Variants in GLCCI1 observed in about 807,000 individuals in gnomAD.
GLCCI1 encodes the protein glucocorticoid-induced transcript 1 protein.
A neutral mutation model predicts 52.2 loss-of-function variants in GLCCI1; 24 were observed. The observed-to-expected ratio is 0.46, with a 90% CI of 0.33 to 0.65. The LOEUF is 0.65. Ranked by LOEUF, GLCCI1 falls within the 30% of genes least tolerant of loss-of-function variation. The pLI is 0.02. For synonymous variants in GLCCI1, 310 were observed against 276.5 expected, an observed-to-expected ratio of 1.12 and a Z score of -1.20; for missense variants, 704 against 701.5, an observed-to-expected ratio of 1.00 and a Z score of -0.04.
At chr7:8,068,988 C>T (rs915476988) in intron 5 of GLCCI1, among the ~76,000 whole-genome samples, 2 of 152,194 alleles carry the variant, frequency 1.3e-5, no homozygotes, top group Admixed American at 1.3e-4. Context: ...TGCTCAGCCA[C>T]GTGGCTCTTC....
chr7:8,079,969 A>T (rs1782962053), intron 6 of GLCCI1, among the ~76,000 whole-genome samples: 1 of 151,568 alleles, frequency 6.6e-6, no homozygotes, highest in African/African-American at 2.4e-5. Flanking sequence ...TAGTATTCTC[A>T]CAAGGTGTTA....
At chr7:7,973,154 T>C (rs746309767) in intron 1 of GLCCI1, among the ~76,000 whole-genome samples, 3 of 152,214 alleles carry the variant, frequency 2.0e-5, no homozygotes, top group Non-Finnish European at 4.4e-5. Flanking sequence ...TAAAGTATTA[T>C]GCAAATAGTT....
In GLCCI1 at chr7:8,086,502, G is replaced by C. The variant is rs755458650; in HGVS notation, c.1608G>C (p.Glu536Asp). Residue 536 changes from glutamate to aspartate, a missense_variant, in exon 8 of 8, where the codon GAG (glutamate) becomes GAC (aspartate). Glu to Asp is a conservative substitution (Grantham distance 45). Coordinates refer to ENST00000223145, the MANE Select transcript of GLCCI1 (RefSeq NM_138426.4). The surrounding 1 kb of genome is among the most constrained non-coding windows in gnomAD (Gnocchi z 4.4). Reference sequence around the variant, plus strand: ...AGCTCCTGCAGGAACTGCAGGGTGAGGACCACATCTCTGCTCAGAACTATG... The same window carrying C: ...AGCTCCTGCAGGAACTGCAGGGTGACGACCACATCTCTGCTCAGAACTATG... ...QQQLLQELQG[E>D]DHISAQNYVI... 5.0e-6 allele frequency: 8 copies of C among 1,613,344 alleles called. No individual in the cohort carries two copies. In the East Asian group the frequency reaches 1.8e-4, roughly 36 times the overall value.
At chr7:8,084,775 A>G (rs1562455146) in intron 6 of GLCCI1, 122 bp from the exon 7 acceptor site, 16 of 916,174 alleles carry the variant, frequency 1.7e-5, no homozygotes, top group Non-Finnish European at 2.6e-5. Flanking sequence ...GCTTTGCAAT[A>G]AAGGAGACTG....
chr7:8,038,936 TA>T (rs1165715618), intron 3 of GLCCI1, among the ~76,000 whole-genome samples: 3 of 151,992 alleles, frequency 2.0e-5, no homozygotes, highest in African/African-American at 7.2e-5. Context: ...GTAACCCTGT[TA>T]AAAAGTGGAT....
chr7:8,000,762 G>T (rs1247743441), intron 1 of GLCCI1, among the ~76,000 whole-genome samples: 2 of 152,138 alleles, frequency 1.3e-5, no homozygotes, highest in Non-Finnish European at 2.9e-5. Flanking sequence ...TTGATGTCAA[G>T]AATCTATATG....
At chr7:8,055,748 G>T (rs538480314) in intron 4 of GLCCI1, 199 bp downstream of exon 4, 25 of 377,550 alleles carry the variant, frequency 6.6e-5, no homozygotes, top group African/African-American at 5.1e-4. Context: ...CCAGCACTTT[G>T]GGAGGCCGAG....
At chr7:8,084,741 G>A (rs1415537692) in intron 6 of GLCCI1, 156 bp from the exon 7 acceptor site, 3 of 641,606 alleles carry the variant, frequency 4.7e-6, no homozygotes, top group Non-Finnish European at 7.7e-6. Context: ...TAGAAGAAAT[G>A]TGCTACACAG....
At chr7:8,012,171 A>G (rs983617645) in intron 2 of GLCCI1, among the ~76,000 whole-genome samples, 2 of 152,070 alleles carry the variant, frequency 1.3e-5, no homozygotes, top group South Asian at 2.1e-4. Context: ...TTTTTAAAAC[A>G]TAATAGTCAA....
rs187433745 is a variant in GLCCI1, at chr7:8,015,041, A to G, written c.610-7442A>G. Among the ~76,000 whole-genome samples the G allele has an allele frequency of 2.2e-3, 328 of 152,228 alleles. 1 individual carries two copies. Among genetic ancestry groups the G allele is most frequent in the African/African-American group, 7.6e-3 (314 of 41,534 alleles). On this transcript the variant is annotated intron_variant, in intron 2 of 7. Transcript: ENST00000223145. ...TGTCAGCATCTTTCCCTAGAAATCT[A>G]TTTGTTTTTATTTGTTTTTAAGAAA... is the stretch of plus-strand genomic sequence containing the variant.
At chr7:8,037,241 G>C (rs1249790960) in intron 3 of GLCCI1, among the ~76,000 whole-genome samples, 5 of 152,170 alleles carry the variant, frequency 3.3e-5, no homozygotes, top group African/African-American at 1.2e-4. Flanking sequence ...CCTAATTTCA[G>C]ACTTCTTAAA....
chr7:8,026,826 C>T (rs765427069), intron 3 of GLCCI1, among the ~76,000 whole-genome samples: 1 of 152,134 alleles, frequency 6.6e-6, no homozygotes, highest in Non-Finnish European at 1.5e-5. Flanking sequence ...AGACAGACAC[C>T]CCCTGTTTGC....
At chr7:8,061,707 C>T (rs1782520355) in intron 5 of GLCCI1, among the ~76,000 whole-genome samples, 1 of 114,366 alleles carries the variant, frequency 8.7e-6, no homozygotes. Context: ...CGTTCTGTTG[C>T]CTAGGCTGGA....
At chr7:8,062,513 T>C (rs1025349596) in intron 5 of GLCCI1, among the ~76,000 whole-genome samples, 4 of 152,218 alleles carry the variant, frequency 2.6e-5, no homozygotes, top group African/African-American at 7.2e-5. Context: ...GTTTCTTACA[T>C]AGGTAAGTTG....
chr7:8,076,975 C>G (rs964252752), intron 6 of GLCCI1, among the ~76,000 whole-genome samples: 8 of 151,922 alleles, frequency 5.3e-5, no homozygotes, highest in African/African-American at 1.9e-4. Context: ...GTGTGTGATA[C>G]TCTTCATAAA....
In GLCCI1 at chr7:8,086,147, T is replaced by C. The variant is rs750378361; in HGVS notation, c.1299-46T>C. On this transcript the variant is annotated intron_variant, in intron 7 of 7. Coordinates refer to ENST00000223145, the MANE Select transcript of GLCCI1 (RefSeq NM_138426.4). This position sits in a 1 kb window ranked among gnomAD's most constrained non-coding sequence, Gnocchi z 4.4. ...AGTTAATTCAGAAAATGCTTAACTT[T>C]TTCTGTGTTCATGATTATAAATCTA... 1 of 1,490,506 alleles carries C rather than the reference T, an allele frequency of 6.7e-7. No homozygotes were observed. Among genetic ancestry groups the C allele is most frequent in the South Asian group, 1.3e-5 (1 of 77,164 alleles). 92.3% of individuals were successfully genotyped at this position (1,490,506 alleles called of 1,614,324 possible).
chr7:7,989,607 G>C (rs902496778), intron 1 of GLCCI1, among the ~76,000 whole-genome samples: 9 of 152,034 alleles, frequency 5.9e-5, no homozygotes, highest in African/African-American at 2.2e-4. Context: ...AAGAGGTCTA[G>C]AATACATGCC....
At chr7:8,029,461 G>T (rs1278952496) in intron 3 of GLCCI1, among the ~76,000 whole-genome samples, 2 of 152,112 alleles carry the variant, frequency 1.3e-5, no homozygotes, top group Non-Finnish European at 1.5e-5. Context: ...CATAATAAAA[G>T]CTATATATCC....
chr7:8,061,812 A>G (rs2127961289), intron 5 of GLCCI1, among the ~76,000 whole-genome samples: 1 of 151,790 alleles, frequency 6.6e-6, no homozygotes, highest in Non-Finnish European at 1.5e-5. Context: ...GATTACAGGC[A>G]CACACCACCA....
Sources: allele counts gnomAD v4.1 joint callset (sites outside exome capture counted in the v4.1 genomes callset), GRCh38; gene constraint gnomAD v4.1.1; non-coding constraint Gnocchi (gnomAD v3.1); transcripts MANE v1.5; gene names NCBI Gene and HGNC (gene_info 2026-07-23, HGNC 2026-07-21).